SEL1L3: variants seen among roughly 807,000 people sequenced by gnomAD.
The protein encoded by SEL1L3 is SEL1L family member 3.
A neutral mutation model predicts 142.8 loss-of-function variants in SEL1L3; 76 were observed. That is an observed-to-expected ratio of 0.53 (90% CI 0.44 to 0.64). The LOEUF (loss-of-function observed/expected upper bound fraction) is 0.64, where lower values mean the gene tolerates loss of function less well. Ranked by LOEUF, SEL1L3 falls within the 30% of genes least tolerant of loss-of-function variation. The pLI is 0.00. For synonymous variants in SEL1L3, 504 were observed against 519.6 expected (o/e 0.97, Z 0.41); for missense variants, 1,262 against 1,381.7 (o/e 0.91, Z 1.37).
chr4:25,819,980 A>C lies in SEL1L3; in HGVS notation c.1291-40T>G, dbSNP rs1212430352. 1.9e-6 allele frequency: 3 copies of C among 1,585,460 alleles called. No individual in the cohort carries two copies. The African/African-American group carries it at 4.0e-5, about 21-fold the overall frequency. On this transcript the variant is annotated intron_variant, in intron 7 of 23. Coordinates refer to ENST00000399878, the MANE Select transcript of SEL1L3 (RefSeq NM_015187.5). ...GAAAGTCAAATGAACAACAATTGTC[A>C]TCAAATATCCATCCACCTCTAGGAG...
At chr4:25,765,214 G>T in intron 20 of SEL1L3, 112 bp downstream of exon 20, 1 of 719,746 alleles carries the variant, frequency 1.4e-6, no homozygotes, top group South Asian at 1.6e-5. Context: ...GGCTGGTCCC[G>T]AATTCCTGAC....
the SEL1L3 span, among the ~76,000 whole-genome samples, chr4:25,724,211 G>A: frequency 5.9e-5 from 9 of 152,044 alleles, no homozygotes; most frequent in Non-Finnish European, 1.2e-4. Context: ...TTGAGGTCAG[G>A]AGTTCGAGAC....
chr4:25,859,759 T>A (rs1717562246), intron 1 of SEL1L3, among the ~76,000 whole-genome samples: 1 of 152,224 alleles, frequency 6.6e-6, no homozygotes, highest in African/African-American at 2.4e-5. Context: ...CTGGACTACA[T>A]AAAAACCCCA....
intron 17 of SEL1L3, among the ~76,000 whole-genome samples, chr4:25,775,415 T>A (rs1719543555): frequency 6.6e-6 from 1 of 152,224 alleles, no homozygotes; most frequent in South Asian, 2.1e-4. Flanking sequence ...ACACTTTAAT[T>A]TTTAATTAAG....
chr4:25,803,101 TCTGGATGGCGGG>T (rs1713300572), intron 10 of SEL1L3, among the ~76,000 whole-genome samples: 1 of 152,112 alleles, frequency 6.6e-6, no homozygotes, highest in Non-Finnish European at 1.5e-5. Context: ...GGACACGGGG[TCTGGATGGCGGG>T]CCCATGTCCC....
chr4:25,811,497 A>G (rs6448405), intron 9 of SEL1L3, among the ~76,000 whole-genome samples: 117,086 of 152,180 alleles, frequency 0.77, 45,590 homozygotes, highest in African/African-American at 0.87. Flanking sequence ...TTGGAGCTGC[A>G]GCTTGGCTAG....
chr4:25,792,943 C>T lies in SEL1L3; in HGVS notation c.1957-2369G>A, dbSNP rs540478640. 2.4e-4 allele frequency among the ~76,000 whole-genome samples: 36 copies of T among 152,270 alleles called. 1 individual carries two copies. The South Asian group carries it at 7.3e-3, about 31-fold the overall frequency. On this transcript the variant is annotated intron_variant, in intron 11 of 23. Coordinates refer to ENST00000399878, the MANE Select transcript of SEL1L3 (RefSeq NM_015187.5). The stretch of plus-strand genomic sequence containing the variant: ...AACTCATGAAGACACAGTTCCTACC[C>T]TGCAGTGATTGATATTCTTAGGTCT...
intron 20 of SEL1L3, chr4:25,759,313 G>A (rs983557887): frequency 8.8e-6 from 4 of 453,026 alleles, no homozygotes; most frequent in East Asian, 4.1e-5. Flanking sequence ...CCAGTCAACC[G>A]GGAGATCCGT....
chr4:25,730,757 G>A, the SEL1L3 span, among the ~76,000 whole-genome samples: 5 of 152,110 alleles, frequency 3.3e-5, no homozygotes, highest in African/African-American at 7.2e-5. Context: ...GGCCAGGCAC[G>A]GTGGCTCACG....
At chr4:25,786,059 G>A (rs140881677) in intron 13 of SEL1L3, among the ~76,000 whole-genome samples, 67 of 152,252 alleles carry the variant, frequency 4.4e-4, no homozygotes, top group African/African-American at 1.3e-3. Context: ...CTGGTACATC[G>A]TAAGTACTCA....
chr4:25,766,930 C>T (rs1024210297), intron 19 of SEL1L3, among the ~76,000 whole-genome samples: 16 of 152,268 alleles, frequency 1.1e-4, no homozygotes, highest in East Asian at 1.9e-4. Flanking sequence ...TAGAGGAATC[C>T]GCACAAATGA....
At chr4:25,827,414 G>C (rs1475145874) in intron 6 of SEL1L3, among the ~76,000 whole-genome samples, 1 of 152,210 alleles carries the variant, frequency 6.6e-6, no homozygotes, top group Non-Finnish European at 1.5e-5. Context: ...GAAGACTGAA[G>C]TTATGCTGCC....
chr4:25,861,630 CTTTT>C (rs143198162), intron 1 of SEL1L3, among the ~76,000 whole-genome samples: 1 of 135,458 alleles, frequency 7.4e-6, no homozygotes, highest in African/African-American at 2.7e-5. Flanking sequence ...TGACACTGCT[CTTTT>C]TTTTTTTTTT....
At chr4:25,755,616 TG>T (rs1717904638) in intron 23 of SEL1L3, among the ~76,000 whole-genome samples, 1 of 152,022 alleles carries the variant, frequency 6.6e-6, no homozygotes, top group Non-Finnish European at 1.5e-5. Context: ...GAAAGAACTA[TG>T]GGGATATAGG....
chr4:25,748,411 C>A lies in SEL1L3; in HGVS notation c.*14G>T. ...AAGATTCTCTCTCATCTGGAGAGAA[C>A]TGGAGTGCACAGTTCACCCACGTGG... is the stretch of plus-strand genomic sequence containing the variant. On this transcript the variant is annotated 3_prime_UTR_variant, in exon 24 of 24. Transcript: ENST00000399878. 1 of 1,601,992 alleles carries A rather than the reference C, an allele frequency of 6.2e-7. No homozygotes were observed. The highest frequency in any genetic ancestry group is 8.5e-7 in the Non-Finnish European group (1 of 1,174,464).
Position 25,795,302 on chromosome 4 carries a change from T to G in SEL1L3, c.1957-4728A>C, listed in dbSNP as rs1040678198. 2.6e-5 allele frequency among the ~76,000 whole-genome samples: 4 copies of G among 152,222 alleles called. No homozygotes were observed. The East Asian group carries it at 7.7e-4, about 29-fold the overall frequency. On this transcript the variant is annotated intron_variant, in intron 11 of 23. Transcript: ENST00000399878. ...TCTCAGTAAATGACAACTCATCATT[T>G]TTTAGGGCCTTAACTCATACTAAAG...
chr4:25,796,740 C>T (rs2109207175), intron 11 of SEL1L3, among the ~76,000 whole-genome samples: 1 of 151,990 alleles, frequency 6.6e-6, no homozygotes, highest in East Asian at 1.9e-4. Flanking sequence ...GAGATCACAC[C>T]ACTGCACTCC....
chr4:25,838,708 G>T (rs921965687), intron 2 of SEL1L3, among the ~76,000 whole-genome samples: 1 of 152,160 alleles, frequency 6.6e-6, no homozygotes, highest in African/African-American at 2.4e-5. Flanking sequence ...GGCCTCTGGA[G>T]CCGGCTTCAG....
the SEL1L3 span, among the ~76,000 whole-genome samples, chr4:25,730,394 G>T: frequency 6.6e-6 from 1 of 151,962 alleles, no homozygotes. Context: ...GGGATGCATA[G>T]AGGAGTAGGG....
Sources: gnomAD v4.1 joint callset for allele counts (sites outside exome capture counted in the v4.1 genomes callset) on GRCh38, gnomAD v4.1.1 for gene constraint, MANE v1.5 for transcripts, NCBI Gene and HGNC (gene_info 2026-07-23, HGNC 2026-07-21) for gene names.